Variants in THEM4 observed in about 807,000 individuals in gnomAD.
The protein encoded by THEM4 is acyl-coenzyme A thioesterase THEM4.
Under a neutral mutation model 25.0 loss-of-function variants are expected in THEM4, and 22 were observed. That is an observed-to-expected ratio of 0.88 (90% CI 0.63 to 1.26). The LOEUF is 1.26. Ranked by LOEUF, THEM4 falls within the 50% of genes most tolerant of loss-of-function variation. The pLI is 0.00. For synonymous variants in THEM4, 113 were observed against 105.6 expected (o/e 1.07, Z -0.43); for missense variants, 286 against 300.3 (o/e 0.95, Z 0.35).
At position 151,909,364 on chromosome 1, in the gene THEM4, T is replaced by TCGGGTCG. The variant is rs1415026095; in HGVS notation, c.88_94dup (p.Glu32AlafsTer10). The stretch of plus-strand genomic sequence containing the variant: ...CCCGAGGGTGCCCAGACTCACCAGC[T>TCGGGTCG]CGGGTCGCGGCTCGCTTCCCGGCAG... On this transcript the variant is annotated frameshift_variant, in exon 1 of 6. Transcript: ENST00000368814. LOFTEE classifies it high-confidence loss of function. 9.9e-6 allele frequency: 15 copies of TCGGGTCG among 1,511,686 alleles called. No homozygotes were observed. The highest frequency in any genetic ancestry group is 7.2e-5 in the African/African-American group (5 of 69,676). The allele number at this position is 1,511,686 out of a possible 1,614,324, so 93.6% of individuals were successfully genotyped here. A position where few individuals can be genotyped will look rare whatever the true frequency, so the allele number is the denominator to read the frequency against.
intron 2 of THEM4, chr1:151,891,270 T>C (rs1051743068): frequency 1.3e-5 from 2 of 152,202 alleles, no homozygotes; most frequent in Non-Finnish European, 2.9e-5. Flanking sequence ...TGGAATAACA[T>C]GATGAGATTT....
chr1:151,892,826 C>A (rs1654122364), intron 2 of THEM4, among the ~76,000 whole-genome samples: 1 of 152,044 alleles, frequency 6.6e-6, no homozygotes, highest in Non-Finnish European at 1.5e-5. Flanking sequence ...ATGAGATTAC[C>A]AATGGAGTGT....
intron 1 of THEM4, among the ~76,000 whole-genome samples, chr1:151,897,570 A>T (rs1654252081): frequency 6.6e-6 from 1 of 152,216 alleles, no homozygotes. Flanking sequence ...TTGTAGGAAC[A>T]TAATACGTGT....
chr1:151,908,258 G>A (rs965696710), intron 1 of THEM4, among the ~76,000 whole-genome samples: 2 of 152,224 alleles, frequency 1.3e-5, no homozygotes, highest in Non-Finnish European at 2.9e-5. Context: ...TGTGAGGTAA[G>A]TCGTAAGCTG....
chr1:151,895,259 C>T (rs569813568), intron 1 of THEM4, 65 bp from the exon 2 acceptor site: 1 of 1,330,346 alleles, frequency 7.5e-7, no homozygotes, highest in African/African-American at 1.5e-5. Flanking sequence ...AACATATTCT[C>T]CCAATTTCTA....
At chr1:151,903,861 C>T (rs1453796294) in intron 1 of THEM4, among the ~76,000 whole-genome samples, 5 of 152,186 alleles carry the variant, frequency 3.3e-5, no homozygotes, top group Non-Finnish European at 7.3e-5. Flanking sequence ...TGTGGGTTCT[C>T]CTGATTTTAA....
chr1:151,895,321 A>G, intron 1 of THEM4, 127 bp from the exon 2 acceptor site: 4 of 840,222 alleles, frequency 4.8e-6, no homozygotes, highest in Non-Finnish European at 5.4e-6. Flanking sequence ...TTCAAAATGG[A>G]AGGGAATTTC....
chr1:151,871,432 C>T lies in THEM4; in HGVS notation c.*3456G>A, dbSNP rs1057038807. ...ACAGCAAGCCAGTGATGGAGTGGAG[C>T]TGGCAATTCTGATAGCATCTCTCTC... On this transcript the variant is annotated 3_prime_UTR_variant, in exon 6 of 6. Coordinates refer to ENST00000368814, the MANE Select transcript of THEM4 (RefSeq NM_053055.5). Among the ~76,000 whole-genome samples the T allele has an allele frequency of 3.3e-5, 5 of 152,070 alleles. No homozygotes were observed. The highest frequency in any genetic ancestry group is 1.2e-4 in the African/African-American group (5 of 41,400).
rs1472441259 is a variant in THEM4 at position 151,873,157 on chromosome 1, G to A, written c.*1731C>T. On this transcript the variant is annotated 3_prime_UTR_variant, in exon 6 of 6. Coordinates refer to ENST00000368814, the MANE Select transcript of THEM4 (RefSeq NM_053055.5). ...CACTGAGATGTTTGGGTGGAGAGAA[G>A]CATAAATCTGGCCTACGTACACATC... Among the ~76,000 whole-genome samples, 1 of 152,168 alleles carries A rather than the reference G, an allele frequency of 6.6e-6. No homozygotes were observed. The highest frequency in any genetic ancestry group is 2.4e-5 in the African/African-American group (1 of 41,426).
At chr1:151,904,459 G>A (rs2101732256) in intron 1 of THEM4, among the ~76,000 whole-genome samples, 1 of 152,296 alleles carries the variant, frequency 6.6e-6, no homozygotes, top group Middle Eastern at 3.4e-3. Flanking sequence ...CTAAAGAAGT[G>A]GCGTCTTTAA....
At position 151,896,292 on chromosome 1, in the gene THEM4, C is replaced by T. The variant is rs113787466; in HGVS notation, c.100-1098G>A. On this transcript the variant is annotated intron_variant, in intron 1 of 5. Coordinates refer to ENST00000368814, the MANE Select transcript of THEM4 (RefSeq NM_053055.5). ...TACAGGAGTGAGCCACTGTGCCCGG[C>T]TGACTGTAAGTTTTCTGAGCCCTCC... Among the ~76,000 whole-genome samples the T allele has an allele frequency of 7.4e-4, 113 of 152,272 alleles. 1 individual carries two copies. Among genetic ancestry groups the T allele is most frequent in the South Asian group, 7.0e-3 (34 of 4,830 alleles).
rs929888413 is a variant in THEM4, at chr1:151,904,604, G to C, written c.99+4756C>G. Among the ~76,000 whole-genome samples the C allele has an allele frequency of 9.9e-5, 15 of 152,214 alleles. 1 individual carries two copies. The South Asian group carries it at 1.2e-3, about 13-fold the overall frequency. ...GGTGTAACGAATGAATTAAAATGGT[G>C]AAATGCAATGGTAGGGAAACCAGTT... On this transcript the variant is annotated intron_variant, in intron 1 of 5. Transcript: ENST00000368814.
chr1:151,894,181 T>A (rs1654163481), intron 2 of THEM4, among the ~76,000 whole-genome samples: 1 of 151,996 alleles, frequency 6.6e-6, no homozygotes, highest in Non-Finnish European at 1.5e-5. Context: ...TTCTTAAAAG[T>A]CAGTTAAAAA....
intron 4 of THEM4, 149 bp downstream of exon 4, chr1:151,888,124 C>T: frequency 3.5e-6 from 2 of 564,628 alleles, no homozygotes; most frequent in East Asian, 3.3e-5. Flanking sequence ...CTTCATCTTC[C>T]CCGTCCTGCT....
rs979370430 is a variant in THEM4, at chr1:151,873,769, G to A, written c.*1119C>T. 1.3e-5 allele frequency: 2 copies of A among 152,296 alleles called. No individual in the cohort carries two copies. Among genetic ancestry groups the A allele is most frequent in the Admixed American group, 1.3e-4 (2 of 15,284 alleles). The allele number at this position is 152,296 out of a possible 1,614,324, so 9.4% of individuals were successfully genotyped here. A position where few individuals can be genotyped will look rare whatever the true frequency, so the allele number is the denominator to read the frequency against. ...ACACACAGAGGGAATGCCATGTGAA[G>A]ATGGAGGACTGGAATGATGCATCTA... On this transcript the variant is annotated 3_prime_UTR_variant, in exon 6 of 6. Transcript: ENST00000368814.
At chr1:151,901,680 T>A (rs1311189310) in intron 1 of THEM4, among the ~76,000 whole-genome samples, 1 of 151,912 alleles carries the variant, frequency 6.6e-6, no homozygotes, top group Non-Finnish European at 1.5e-5. Flanking sequence ...CAGTCTCTAC[T>A]AAAAATACAA....
At position 151,909,342 on chromosome 1, in the gene THEM4, G is replaced by A. The variant is rs1043308176; in HGVS notation, c.99+18C>T. On this transcript the variant is annotated intron_variant, in intron 1 of 5. Coordinates refer to ENST00000368814, the MANE Select transcript of THEM4 (RefSeq NM_053055.5). ...TGAGTCCTGCTCCCGCCCCATGCCC[G>A]AGGGTGCCCAGACTCACCAGCTCGG... The A allele has an allele frequency of 5.9e-6, 9 of 1,512,952 alleles. No homozygotes were observed. The highest frequency in any genetic ancestry group is 2.7e-5 in the East Asian group (1 of 37,348). The allele number at this position is 1,512,952 out of a possible 1,614,324, so 93.7% of individuals were successfully genotyped here.
chr1:151,888,234 C>A (rs780707086), intron 4 of THEM4, 39 bp downstream of exon 4: 1 of 1,537,590 alleles, frequency 6.5e-7, no homozygotes, highest in African/African-American at 1.4e-5. Flanking sequence ...CCTGACTTAA[C>A]AACACCTAAG....
chr1:151,889,185 G>T, intron 3 of THEM4, 29 bp downstream of exon 3: 1 of 1,606,174 alleles, frequency 6.2e-7, no homozygotes, highest in Non-Finnish European at 8.5e-7. Flanking sequence ...AAATCTTTTA[G>T]ATCCACACTT....
Sources: allele counts gnomAD v4.1 joint callset (sites outside exome capture counted in the v4.1 genomes callset), GRCh38; gene constraint gnomAD v4.1.1; transcripts MANE v1.5; gene names NCBI Gene and HGNC (gene_info 2026-07-23, HGNC 2026-07-21).